NALCN: variants seen among roughly 807,000 people sequenced by gnomAD.
NALCN encodes sodium leak channel, non-selective.
A neutral mutation model predicts 225.3 loss-of-function variants in NALCN; 111 were observed. That is an observed-to-expected ratio of 0.49 (90% CI 0.42 to 0.58). NALCN has a LOEUF of 0.58. Among genes scored for constraint, NALCN ranks in the 20% least tolerant of loss-of-function variants. The probability of loss-of-function intolerance (pLI) is 0.00; values close to 1 mark genes in which losing one functional copy is unlikely to be tolerated. For synonymous variants in NALCN, 764 were observed against 769.0 expected (o/e 0.99, Z 0.11); for missense variants, 1,378 against 2,202.4 (o/e 0.63, Z 7.49).
At chr13:101,318,044 C>T (rs2044616890) in intron 7 of NALCN, among the ~76,000 whole-genome samples, 1 of 152,178 alleles carries the variant, frequency 6.6e-6, no homozygotes, top group Non-Finnish European at 1.5e-5. Context: ...GTTTTAAATT[C>T]CTTAATCTGC....
At chr13:101,271,685 C>A (rs961595509) in intron 10 of NALCN, among the ~76,000 whole-genome samples, 2 of 151,302 alleles carry the variant, frequency 1.3e-5, no homozygotes, top group Admixed American at 1.3e-4. Context: ...TGTGTTTGTG[C>A]ATGTGTGTGT....
chr13:101,199,228 T>C (rs1417087511), intron 13 of NALCN, among the ~76,000 whole-genome samples: 1 of 151,892 alleles, frequency 6.6e-6, no homozygotes, highest in Non-Finnish European at 1.5e-5. Flanking sequence ...ACATGGCATA[T>C]ATATACATAT....
rs976738821 is a variant in NALCN, at chr13:101,284,012, T to A, written c.1055A>T (p.His352Leu). ...CTGCCAACCTCCAGCAGCATCTTCA[T>A]GAAACATCTTCAAGACAAAGAAGGG... ...TTSTATTQMFHEDAAGGWQLV... is the reference protein window; with the variant it reads ...TTSTATTQMFLEDAAGGWQLV... The change falls in exon 10 of 44, where the codon CAT becomes CTT. Residue 352 changes from histidine to leucine, a missense_variant. Around this residue, in one of 19 missense-constraint regions of NALCN, gnomAD observed 144 missense variants for 187.7 expected, o/e 0.77. Coordinates refer to ENST00000251127, the MANE Select transcript of NALCN (RefSeq NM_052867.4). The A allele has an allele frequency of 1.2e-6, 2 of 1,613,126 alleles. No homozygotes were observed. Among genetic ancestry groups the A allele is most frequent in the Admixed American group, 3.3e-5 (2 of 59,818 alleles).
chr13:101,164,584 T>C lies in NALCN; in HGVS notation c.1839+11716A>G, dbSNP rs72650895. ...ACTTTTTGAATGACTTCTAGATTCCTAGGCTGTTGTTTTTATGTTGATAAT... is the reference window on the plus strand; with the variant it reads ...ACTTTTTGAATGACTTCTAGATTCCCAGGCTGTTGTTTTTATGTTGATAAT... On this transcript the variant is annotated intron_variant, in intron 15 of 43. Coordinates refer to ENST00000251127, the MANE Select transcript of NALCN (RefSeq NM_052867.4). Among the ~76,000 whole-genome samples, 344 of 152,300 alleles carry C rather than the reference T, an allele frequency of 2.3e-3. 1 individual carries two copies. Among genetic ancestry groups the C allele is most frequent in the Non-Finnish European group, 3.5e-3 (241 of 68,022 alleles).
At chr13:101,163,612 GGGT>G (rs1431174588) in intron 15 of NALCN, among the ~76,000 whole-genome samples, 1 of 152,094 alleles carries the variant, frequency 6.6e-6, no homozygotes, top group African/African-American at 2.4e-5. Flanking sequence ...AGCTGCTCCA[GGGT>G]GGCGCAGGCT....
chr13:101,390,171 GACA>G (rs2047105484), intron 3 of NALCN, among the ~76,000 whole-genome samples: 1 of 151,954 alleles, frequency 6.6e-6, no homozygotes, highest in Admixed American at 6.6e-5. Context: ...AATCGAATAT[GACA>G]ACATGACCAA....
At chr13:101,324,653 T>C (rs1246187937) in intron 7 of NALCN, among the ~76,000 whole-genome samples, 1 of 152,226 alleles carries the variant, frequency 6.6e-6, no homozygotes, top group African/African-American at 2.4e-5. Flanking sequence ...TGAAGTTGCC[T>C]ATCAGCTTAA....
chr13:101,123,462 C>A (rs2036077085), intron 18 of NALCN, among the ~76,000 whole-genome samples: 2 of 152,198 alleles, frequency 1.3e-5, no homozygotes, highest in Non-Finnish European at 1.5e-5. Flanking sequence ...ACTGCATGAT[C>A]TGATGGTAAT....
intron 13 of NALCN, among the ~76,000 whole-genome samples, chr13:101,221,049 G>T (rs2040917789): frequency 6.6e-6 from 1 of 152,160 alleles, no homozygotes; most frequent in Admixed American, 6.5e-5. Flanking sequence ...TGTAGGGACA[G>T]AAGTACAGAC....
chr13:101,141,877 A>G (rs1290408356), intron 17 of NALCN, among the ~76,000 whole-genome samples: 1 of 152,118 alleles, frequency 6.6e-6, no homozygotes, highest in African/African-American at 2.4e-5. Context: ...GTAAAGGAAT[A>G]AAAAACACTC....
At chr13:101,092,680 G>A (rs149990441) in intron 28 of NALCN, among the ~76,000 whole-genome samples, 100 of 152,182 alleles carry the variant, frequency 6.6e-4, no homozygotes, top group African/African-American at 2.4e-3. Flanking sequence ...GGAATCAGAG[G>A]CAGGTATATG....
rs563609615 is a variant in NALCN, at chr13:101,171,413, GTAA to G, written c.1839+4884_1839+4886del. 1.7e-4 allele frequency among the ~76,000 whole-genome samples: 26 copies of G among 150,648 alleles called. No homozygotes were observed. In the South Asian group the frequency reaches 5.4e-3, roughly 31 times the overall value. On this transcript the variant is annotated intron_variant, in intron 15 of 43. Transcript: ENST00000251127. Reference sequence around the variant, plus strand: ...TATATGTTACATATATTACATATATGTAATAATAGATATACACACACACACATA... The same window carrying G: ...TATATGTTACATATATTACATATATGTAATAGATATACACACACACACATA...
intron 15 of NALCN, among the ~76,000 whole-genome samples, chr13:101,160,277 A>G (rs989046477): frequency 2.0e-5 from 3 of 152,294 alleles, no homozygotes; most frequent in Admixed American, 1.3e-4. Flanking sequence ...AAATGTTTGC[A>G]AGGTCCCTTC....
At chr13:101,061,468 A>G (rs1402949404) in intron 41 of NALCN, among the ~76,000 whole-genome samples, 2 of 151,150 alleles carry the variant, frequency 1.3e-5, no homozygotes, top group East Asian at 1.9e-4. Flanking sequence ...TGCAACTTCT[A>G]CCTCCCAGGT....
Position 101,083,318 on chromosome 13 carries a change from G to A in NALCN, c.3584-120C>T, listed in dbSNP as rs982764314. On this transcript the variant is annotated intron_variant, in intron 31 of 43. Transcript: ENST00000251127. ...TACATTTTTCTCCCCAAACAGTTCCGTCTATTGTGAGGTGTTTTTGCAGCA... is the reference window on the plus strand; with the variant it reads ...TACATTTTTCTCCCCAAACAGTTCCATCTATTGTGAGGTGTTTTTGCAGCA... 1.7e-5 allele frequency: 14 copies of A among 834,536 alleles called. No individual in the cohort carries two copies. In the Admixed American group the frequency reaches 1.8e-4, roughly 11 times the overall value. The allele number at this position is 834,536 out of a possible 1,614,324, so 51.7% of individuals were successfully genotyped here. A position where few individuals can be genotyped will look rare whatever the true frequency, so the allele number is the denominator to read the frequency against.
At chr13:101,279,819 A>AAAAT (rs1223681751) in intron 10 of NALCN, among the ~76,000 whole-genome samples, 29 of 104,988 alleles carry the variant, frequency 2.8e-4, no homozygotes, top group South Asian at 2.1e-3. Flanking sequence ...TCCGTCTCAA[A>AAAAT]AAATAAATAA....
intron 17 of NALCN, among the ~76,000 whole-genome samples, chr13:101,128,197 G>A (rs906958219): frequency 1.3e-5 from 2 of 152,068 alleles, no homozygotes; most frequent in Admixed American, 1.3e-4. Flanking sequence ...GATTTTCTTC[G>A]GTTTTGTTTG....
intron 16 of NALCN, 39 bp from the exon 17 acceptor site, chr13:101,143,260 T>C (rs2037183853): frequency 1.9e-6 from 3 of 1,555,876 alleles, no homozygotes; most frequent in Admixed American, 1.9e-5. Flanking sequence ...GCATTATTAG[T>C]GGAAGGGAGC....
intron 9 of NALCN, among the ~76,000 whole-genome samples, chr13:101,285,501 TC>T (rs1269996961): frequency 6.6e-6 from 1 of 152,070 alleles, no homozygotes; most frequent in African/African-American, 2.4e-5. Context: ...ACAGAGGGTT[TC>T]AGCTTGTTGT....
Sources: allele counts gnomAD v4.1 joint callset (sites outside exome capture counted in the v4.1 genomes callset), GRCh38; gene constraint gnomAD v4.1.1; regional missense constraint gnomAD v4.1.1; transcripts MANE v1.5; gene names NCBI Gene and HGNC (gene_info 2026-07-23, HGNC 2026-07-21).